The following CARHSP1 variants were observed in gnomAD, a reference collection of about 807,000 sequenced individuals.
The protein encoded by CARHSP1 is calcium-regulated heat-stable protein 1.
CARHSP1 carries 14 observed loss-of-function variants against 12.5 expected under a neutral mutation model. The ratio of observed to expected loss-of-function variants is 1.12; its 90% CI spans 0.74 to 1.75. CARHSP1 has a LOEUF of 1.75. Ranked by LOEUF, CARHSP1 falls within the 40% of genes most tolerant of loss-of-function variation. CARHSP1 has a pLI of 0.00. For missense variants in CARHSP1, 343 were observed against 201.6 expected, an observed-to-expected ratio of 1.70 and a Z score of -4.25; for synonymous variants, 161 against 82.0, an observed-to-expected ratio of 1.96 and a Z score of -5.20.
chr16:8,859,315 G>C lies in CARHSP1; in HGVS notation c.14C>G (p.Pro5Arg). 1.2e-6 allele frequency: 2 copies of C among 1,601,644 alleles called. No homozygotes were observed. The highest frequency in any genetic ancestry group is 2.2e-5 in the South Asian group (2 of 90,076). ...GGTGGGGGGCTGTGGTGGTGGGGGA[G>C]GCTCAGATGACATGGCTGACCTGGA... MSSE[P>R]PPPPQPPTHQ... Residue 5 changes from proline (P) to arginine (R), a missense_variant, in exon 2 of 4, where the codon CCT becomes CGT. Physicochemically the swap from Pro to Arg is moderately radical, Grantham distance 103. Coordinates refer to ENST00000311052, the MANE Select transcript of CARHSP1 (RefSeq NM_014316.4).
intron 1 of CARHSP1, among the ~76,000 whole-genome samples, chr16:8,865,266 C>T (rs2061435749): frequency 6.6e-6 from 1 of 152,152 alleles, no homozygotes; most frequent in Non-Finnish European, 1.5e-5. Flanking sequence ...TGTACCACCA[C>T]ACCCAGCCAA....
chr16:8,856,535 A>G (rs1478665523), intron 3 of CARHSP1, among the ~76,000 whole-genome samples: 2 of 151,334 alleles, frequency 1.3e-5, no homozygotes, highest in Admixed American at 6.6e-5. Context: ...CAGTATGGAA[A>G]TACCCTTACA....
chr16:8,857,270 T>G (rs7188690), intron 3 of CARHSP1, among the ~76,000 whole-genome samples: 3,213 of 12,664 alleles, frequency 0.25, 29 homozygotes, highest in South Asian at 0.34. Context: ...TCTGTTTTTT[T>G]TTTTTTTTTT....
At position 8,855,262 on chromosome 16, in the gene CARHSP1, G is replaced by A. The variant is rs747231593; in HGVS notation, c.346C>T (p.Pro116Ser). 2 of 1,613,110 alleles carry A rather than the reference G, an allele frequency of 1.2e-6. No homozygotes were observed. The highest frequency in any genetic ancestry group is 1.1e-5 in the South Asian group (1 of 90,972). Residue 116 changes from proline to serine, a missense_variant, in exon 4 of 4, where the codon CCC becomes TCC. Physicochemically the swap from Pro to Ser is moderately conservative, Grantham distance 74. Coordinates refer to ENST00000311052, the MANE Select transcript of CARHSP1 (RefSeq NM_014316.4). ...EVTYKMCSIP[P>S]KNEKLQAVEV... ...ACGGCCTGCAGCTTCTCATTCTTGG[G>A]TGGGATGGAGCACATTTTATAGGTG...
At chr16:8,866,750 CG>C (rs1306862221) in intron 1 of CARHSP1, among the ~76,000 whole-genome samples, 1 of 120,862 alleles carries the variant, frequency 8.3e-6, no homozygotes, top group Admixed American at 8.3e-5. Context: ...GGGGGAGGGA[CG>C]GGAGGCAAAG....
At position 8,853,476 on chromosome 16, in the gene CARHSP1, ATCAACATGCG is replaced by A. The variant is rs2061002572; in HGVS notation, c.*1678_*1687del. The A allele has an allele frequency of 6.6e-6, 1 of 152,146 alleles. No homozygotes were observed. Among genetic ancestry groups the A allele is most frequent in the Non-Finnish European group, 1.5e-5 (1 of 68,022 alleles). The allele number at this position is 152,146 out of a possible 1,614,324, so 9.4% of individuals were successfully genotyped here. On this transcript the variant is annotated 3_prime_UTR_variant, in exon 4 of 4. Coordinates refer to ENST00000311052, the MANE Select transcript of CARHSP1 (RefSeq NM_014316.4). ...CTGCCTTTGTCTCCACACACTCGCA[ATCAACATGCG>A]TATTTGCTATTCTCAAACAACTCCC...
chr16:8,863,001 G>T (rs1264446054), intron 1 of CARHSP1, among the ~76,000 whole-genome samples: 2 of 152,076 alleles, frequency 1.3e-5, no homozygotes, highest in Admixed American at 6.6e-5. Context: ...ATGGCCTGTA[G>T]GGGTGAGGAG....
intron 1 of CARHSP1, among the ~76,000 whole-genome samples, chr16:8,865,329 C>T (rs139856541): frequency 1.8e-4 from 28 of 152,300 alleles, no homozygotes; most frequent in East Asian, 1.5e-3. Context: ...AATCTGGTCT[C>T]GGACTCCTGA....
At chr16:8,857,069 G>T (rs924343841) in intron 3 of CARHSP1, among the ~76,000 whole-genome samples, 3 of 152,082 alleles carry the variant, frequency 2.0e-5, no homozygotes, top group Non-Finnish European at 4.4e-5. Flanking sequence ...TGGTCCCCAG[G>T]CCAAACAGGG....
chr16:8,864,848 C>T (rs2061428817), intron 1 of CARHSP1, among the ~76,000 whole-genome samples: 1 of 152,206 alleles, frequency 6.6e-6, no homozygotes, highest in African/African-American at 2.4e-5. Flanking sequence ...TGCAGCTCCT[C>T]CTGGAAGGTT....
chr16:8,866,972 G>A (rs2061465751), intron 1 of CARHSP1, among the ~76,000 whole-genome samples: 2 of 152,158 alleles, frequency 1.3e-5, no homozygotes, highest in South Asian at 4.1e-4. Flanking sequence ...CCCGAGGAGT[G>A]TACCGGGAAC....
In CARHSP1 at chr16:8,854,995, C is replaced by T; in HGVS notation, c.*169G>A. Reference sequence around the variant, plus strand: ...AGGCTGTGCTGATGGCCGGGAACACCCCACACCCCACACCTGCCCCCCATA... The same window carrying T: ...AGGCTGTGCTGATGGCCGGGAACACTCCACACCCCACACCTGCCCCCCATA... On this transcript the variant is annotated 3_prime_UTR_variant, in exon 4 of 4. Coordinates refer to ENST00000311052, the MANE Select transcript of CARHSP1 (RefSeq NM_014316.4). 1 of 510,854 alleles carries T rather than the reference C, an allele frequency of 2.0e-6. No homozygotes were observed. The highest frequency in any genetic ancestry group is 2.0e-5 in the African/African-American group (1 of 50,488). The allele number at this position is 510,854 out of a possible 1,614,324, so 31.6% of individuals were successfully genotyped here.
intron 1 of CARHSP1, among the ~76,000 whole-genome samples, chr16:8,863,677 CCACT>C (rs371878761): frequency 2.4e-4 from 37 of 152,238 alleles, no homozygotes; most frequent in African/African-American, 8.9e-4. Flanking sequence ...TGGCCAAGGG[CCACT>C]CACTCCCCAG....
chr16:8,865,480 T>C (rs2061439805), intron 1 of CARHSP1, among the ~76,000 whole-genome samples: 1 of 151,786 alleles, frequency 6.6e-6, no homozygotes, highest in Non-Finnish European at 1.5e-5. Flanking sequence ...GGGATAAGAG[T>C]TCAAGTCAGA....
chr16:8,855,395 C>T (rs750604252), intron 3 of CARHSP1, 69 bp from the exon 4 acceptor site: 300 of 1,358,030 alleles, frequency 2.2e-4, no homozygotes, highest in Non-Finnish European at 2.4e-4. Context: ...AGACACCAGC[C>T]ACCCTTCTGG....
intron 3 of CARHSP1, among the ~76,000 whole-genome samples, chr16:8,857,056 G>C (rs1175625115): frequency 6.6e-6 from 1 of 152,112 alleles, no homozygotes; most frequent in African/African-American, 2.4e-5. Context: ...CAGGAAGCTG[G>C]ACTGGTCCCC....
chr16:8,858,359 T>C lies in CARHSP1; in HGVS notation c.272A>G (p.His91Arg). The change falls in exon 3 of 4, where the codon CAC (histidine) becomes CGC (arginine). Residue 91 changes from histidine to arginine, a missense_variant. By Grantham distance (29) the His-to-Arg change is conservative. Transcript: ENST00000311052. ...CCTGCCGCTGACTCACTCAGAGATG[T>C]GCAGGAAGATGTCGGGGCCGCCATC... ...PADGGPDIFL[H>R]ISDVEGEYVP... 6.2e-7 allele frequency: 1 copy of C among 1,613,714 alleles called. No individual in the cohort carries two copies. The highest frequency in any genetic ancestry group is 8.5e-7 in the Non-Finnish European group (1 of 1,179,980).
intron 1 of CARHSP1, chr16:8,861,880 A>T: frequency 9.0e-7 from 1 of 1,106,178 alleles, no homozygotes; most frequent in Non-Finnish European, 1.1e-6. Context: ...GCCTCCCAGG[A>T]CAGCAGATGG....
rs775196893 is a variant in CARHSP1 at position 8,855,293 on chromosome 16, G to A, written c.315C>T (p.Asp105=). ...VEGEYVPVEG[D]EVTYKMCSIP... ...TGGAGCACATTTTATAGGTGACCTC[G>A]TCGCCTTCCACTGGGACATACTCCC... The change falls in exon 4 of 4, where the codon GAC becomes GAT. Residue 105 remains aspartate (D), a synonymous_variant. Transcript: ENST00000311052. 15 of 1,609,094 alleles carry A rather than the reference G, an allele frequency of 9.3e-6. No homozygotes were observed. The Middle Eastern group carries it at 6.6e-4, about 71-fold the overall frequency.
Sources: allele counts gnomAD v4.1 joint callset (sites outside exome capture counted in the v4.1 genomes callset), GRCh38; gene constraint gnomAD v4.1.1; transcripts MANE v1.5; gene names NCBI Gene and HGNC (gene_info 2026-07-23, HGNC 2026-07-21).